The following AIDA variants were observed in gnomAD, a reference collection of about 807,000 sequenced individuals.
The protein encoded by AIDA is axin interactor, dorsalization-associated protein.
A neutral mutation model predicts 42.7 loss-of-function variants in AIDA; 18 were observed. The observed-to-expected ratio is 0.42, with a 90% CI of 0.29 to 0.63. The LOEUF (loss-of-function observed/expected upper bound fraction) is 0.63, where lower values mean the gene tolerates loss of function less well. Ranked by LOEUF, AIDA falls within the 20% of genes least tolerant of loss-of-function variation. The pLI, the probability that AIDA is intolerant of heterozygous loss-of-function variation, is 0.19. For missense variants in AIDA, 250 were observed against 354.1 expected, an observed-to-expected ratio of 0.71 and a Z score of 2.36; for synonymous variants, 104 against 122.9, an observed-to-expected ratio of 0.85 and a Z score of 1.02.
chr1:222,686,919 G>T lies in AIDA; in HGVS notation c.460+11C>A, dbSNP rs1357171818. ...GTTAAATAATGTTTATTTTTAATAAGTGATACCTACCGGGAACTCTAGCAG... is the reference window on the plus strand; with the variant it reads ...GTTAAATAATGTTTATTTTTAATAATTGATACCTACCGGGAACTCTAGCAG... On this transcript the variant is annotated intron_variant, in intron 6 of 9. Transcript: ENST00000340020. 2 of 1,611,630 alleles carry T rather than the reference G, an allele frequency of 1.2e-6. No homozygotes were observed. The highest frequency in any genetic ancestry group is 2.7e-5 in the African/African-American group (2 of 74,798).
At chr1:222,695,685 T>G (rs764049609) in intron 2 of AIDA, among the ~76,000 whole-genome samples, 10 of 152,190 alleles carry the variant, frequency 6.6e-5, no homozygotes, top group Non-Finnish European at 1.3e-4. Context: ...CAGCTAATTA[T>G]GCCCATCAAG....
At chr1:222,703,363 C>CAA (rs878866931) in intron 1 of AIDA, 146 bp from the exon 2 acceptor site, 1,968 of 366,438 alleles carry the variant, frequency 5.4e-3, no homozygotes, top group Middle Eastern at 0.011. Flanking sequence ...AAATTCTTCT[C>CAA]AAAAAAAAAA....
chr1:222,691,853 CTG>C (rs1212924769), intron 4 of AIDA, among the ~76,000 whole-genome samples: 3 of 152,050 alleles, frequency 2.0e-5, no homozygotes, highest in Non-Finnish European at 4.4e-5. Context: ...AAGCTGAAAA[CTG>C]TATCAGTTAC....
In AIDA at chr1:222,673,352, C is replaced by T. The variant is rs1202270695; in HGVS notation, c.667G>A (p.Asp223Asn). ...KEDTYVHFNV[D>N]IELQKHVEKL... is the part of the protein sequence containing the mutation. ...TCAACATGCTTCTGGAGCTCAATGT[C>T]CACATTAAAATGAACATATGTATCT... The change falls in exon 8 of 10, where the codon GAC becomes AAC. Residue 223 changes from aspartate to asparagine, a missense_variant. Physicochemically the swap from Asp to Asn is conservative, Grantham distance 23. Around this residue, in one of 4 missense-constraint regions of AIDA, gnomAD observed 199 missense variants for 232.6 expected, o/e 0.86. Transcript: ENST00000340020. 41 of 1,609,758 alleles carry T rather than the reference C, an allele frequency of 2.5e-5. No homozygotes were observed. The highest frequency in any genetic ancestry group is 3.4e-5 in the Non-Finnish European group (40 of 1,177,742).
chr1:222,693,717 A>T, intron 4 of AIDA, 72 bp downstream of exon 4: 1 of 1,246,346 alleles, frequency 8.0e-7, no homozygotes, highest in South Asian at 1.4e-5. Context: ...AATCTTTGTT[A>T]AATAGCCTTA....
chr1:222,693,704 C>A (rs1655436803), intron 4 of AIDA, 85 bp downstream of exon 4: 4 of 1,169,806 alleles, frequency 3.4e-6, no homozygotes, highest in Non-Finnish European at 1.2e-6. Flanking sequence ...TAAATCAAAT[C>A]ATAATCTTTG....
chr1:222,682,298 C>T (rs1465120796), intron 6 of AIDA, among the ~76,000 whole-genome samples: 4 of 152,024 alleles, frequency 2.6e-5, no homozygotes, highest in Admixed American at 1.3e-4. Flanking sequence ...TAGACCAGAA[C>T]GTTAAAGAGG....
chr1:222,673,795 C>A (rs925311232), intron 7 of AIDA, among the ~76,000 whole-genome samples: 3 of 139,402 alleles, frequency 2.2e-5, no homozygotes, highest in Non-Finnish European at 4.6e-5. Flanking sequence ...CAAAAACCTG[C>A]AAACTAGGTA....
chr1:222,710,555 T>G (rs1655968291), intron 1 of AIDA, among the ~76,000 whole-genome samples: 1 of 152,236 alleles, frequency 6.6e-6, no homozygotes, highest in Admixed American at 6.5e-5. Flanking sequence ...CTATGCAATA[T>G]TAGTTAATAT....
rs1010869962 is a variant in AIDA, at chr1:222,668,048, T to C, written c.*1845A>G. ...GCTTCTTTAATGTTGATGAAAGGTA[T>C]TTGTAGTTCATATAAACTATACTTA... On this transcript the variant is annotated 3_prime_UTR_variant, in exon 10 of 10. Transcript: ENST00000340020. The C allele has an allele frequency of 3.3e-5, 5 of 152,228 alleles. No homozygotes were observed. Among genetic ancestry groups the C allele is most frequent in the African/African-American group, 4.8e-5 (2 of 41,464 alleles). 9.4% of individuals were successfully genotyped at this position (152,228 alleles called of 1,614,324 possible).
At chr1:222,704,691 C>T (rs530401871) in intron 1 of AIDA, among the ~76,000 whole-genome samples, 9 of 151,900 alleles carry the variant, frequency 5.9e-5, no homozygotes, top group African/African-American at 1.7e-4. Context: ...GGGTTTCTTT[C>T]GGGAGTGATG....
At chr1:222,679,964 C>T (rs1664624681) in intron 6 of AIDA, among the ~76,000 whole-genome samples, 1 of 152,236 alleles carries the variant, frequency 6.6e-6, no homozygotes. Context: ...GATTTCTCAA[C>T]CTGGGTTCTG....
Position 222,712,194 on chromosome 1 carries a change from G to C in AIDA, c.110+14C>G. The C allele has an allele frequency of 6.3e-7, 1 of 1,592,418 alleles. No homozygotes were observed. Among genetic ancestry groups the C allele is most frequent in the South Asian group, 1.1e-5 (1 of 87,916 alleles). ...TGGAGCCGGTCTGGCCTGCTCCCGC[G>C]GTTAGTCACTCACATCTGATACTCG... is the stretch of plus-strand genomic sequence containing the variant. On this transcript the variant is annotated intron_variant, in intron 1 of 9. Coordinates refer to ENST00000340020, the MANE Select transcript of AIDA (RefSeq NM_022831.4).
intron 6 of AIDA, among the ~76,000 whole-genome samples, chr1:222,684,470 T>C (rs1165535173): frequency 1.3e-5 from 2 of 152,174 alleles, no homozygotes; most frequent in Non-Finnish European, 2.9e-5. Context: ...TTGGGTTCCC[T>C]TTGGGTAACA....
At chr1:222,700,975 G>T (rs963744464) in intron 2 of AIDA, among the ~76,000 whole-genome samples, 7 of 147,304 alleles carry the variant, frequency 4.8e-5, no homozygotes, top group South Asian at 2.2e-4. Flanking sequence ...TTTTTTTGGG[G>T]GGGGGGGGAC....
At chr1:222,688,255 T>C (rs1445543914) in intron 4 of AIDA, among the ~76,000 whole-genome samples, 1 of 151,972 alleles carries the variant, frequency 6.6e-6, no homozygotes, top group African/African-American at 2.4e-5. Flanking sequence ...GTACATTTTA[T>C]TCTCTGTCCT....
chr1:222,698,485 CTT>C (rs1655582666), intron 2 of AIDA, among the ~76,000 whole-genome samples: 2 of 137,476 alleles, frequency 1.5e-5, no homozygotes, highest in South Asian at 4.5e-4. Flanking sequence ...CAGTTTCACT[CTT>C]GTTGCCCAGG....
At chr1:222,673,545 G>C (rs940797787) in intron 7 of AIDA, 110 bp from the exon 8 acceptor site, 8 of 742,040 alleles carry the variant, frequency 1.1e-5, no homozygotes, top group Non-Finnish European at 1.6e-5. Flanking sequence ...GGGAGGCCGA[G>C]GCGGGCAGAT....
intron 6 of AIDA, among the ~76,000 whole-genome samples, chr1:222,680,680 G>A (rs542210841): frequency 2.0e-5 from 3 of 152,044 alleles, no homozygotes; most frequent in South Asian, 4.2e-4. Context: ...CAACAAAATC[G>A]AGAAATCGCA....
Sources: allele counts gnomAD v4.1 joint callset (sites outside exome capture counted in the v4.1 genomes callset), GRCh38; gene constraint gnomAD v4.1.1; regional missense constraint gnomAD v4.1.1; transcripts MANE v1.5; gene names NCBI Gene and HGNC (gene_info 2026-07-23, HGNC 2026-07-21).